NCOR1: variants seen among roughly 807,000 people sequenced by gnomAD.
The protein encoded by NCOR1 is protein phosphatase 1, regulatory subunit 109.
In NCOR1, 63 loss-of-function variants were observed where a neutral mutation model predicts 288.1. The ratio of observed to expected loss-of-function variants is 0.22; its 90% CI spans 0.18 to 0.27. The LOEUF (loss-of-function observed/expected upper bound fraction) is 0.27. NCOR1 is among the 10% of genes least tolerant of loss of function. The pLI is 1.00. For synonymous variants in NCOR1, 1,007 were observed against 1,065.9 expected (o/e 0.94, Z 1.08); for missense variants, 2,397 against 3,019.2 (o/e 0.79, Z 4.83).
At chr17:16,120,806 GA>G (rs2072846907) in intron 16 of NCOR1, among the ~76,000 whole-genome samples, 1 of 152,040 alleles carries the variant, frequency 6.6e-6, no homozygotes, top group South Asian at 2.1e-4. Flanking sequence ...GTAATTATTA[GA>G]AATTAGAAAA....
At chr17:16,156,619 T>G (rs553481148) in intron 6 of NCOR1, among the ~76,000 whole-genome samples, 272 of 152,152 alleles carry the variant, frequency 1.8e-3, no homozygotes, top group Non-Finnish European at 3.1e-3. Context: ...ATCTTCAGTG[T>G]AGGAAGGCAA....
intron 40 of NCOR1, among the ~76,000 whole-genome samples, chr17:16,053,295 A>C (rs2059529120): frequency 6.6e-6 from 1 of 152,190 alleles, no homozygotes; most frequent in Admixed American, 6.5e-5. Context: ...AGAAAACTCC[A>C]TAGTCTCAGC....
intron 3 of NCOR1, among the ~76,000 whole-genome samples, chr17:16,181,602 C>G (rs940170434): frequency 3.3e-5 from 5 of 152,080 alleles, no homozygotes; most frequent in South Asian, 2.1e-4. Flanking sequence ...TAGATTTTAG[C>G]TATTCGTCAC....
At chr17:16,169,423 T>C (rs928827234) in intron 4 of NCOR1, among the ~76,000 whole-genome samples, 4 of 152,264 alleles carry the variant, frequency 2.6e-5, no homozygotes, top group Admixed American at 6.5e-5. Flanking sequence ...AACTCTTCTA[T>C]AAATGATATA....
chr17:16,107,770 G>A (rs972729304), intron 19 of NCOR1, among the ~76,000 whole-genome samples: 14 of 151,982 alleles, frequency 9.2e-5, no homozygotes, highest in Admixed American at 6.6e-4. Flanking sequence ...CCCTCGGGTG[G>A]GACTTCTCTA....
Position 16,152,012 on chromosome 17 carries a change from C to A in NCOR1, c.790-14G>T, listed in dbSNP as rs1384853143. The A allele has an allele frequency of 3.2e-6, 5 of 1,548,824 alleles. No individual in the cohort carries two copies. The highest frequency in any genetic ancestry group is 1.9e-5 in the Admixed American group (1 of 51,290). ...GTTATACAGTGGCTATAAAAGAAAT[C>A]AAATATTTATGTATAAAATGTTGTA... On this transcript the variant is annotated splice_polypyrimidine_tract_variant and intron_variant, in intron 7 of 45. Coordinates refer to ENST00000268712, the MANE Select transcript of NCOR1 (RefSeq NM_006311.4).
At chr17:16,051,858 C>G (rs902381568) in intron 40 of NCOR1, among the ~76,000 whole-genome samples, 1 of 152,012 alleles carries the variant, frequency 6.6e-6, no homozygotes, top group South Asian at 2.1e-4. Flanking sequence ...TTGTGGTGAG[C>G]TGAGATCGCG....
Position 16,139,114 on chromosome 17 carries a change from TGACTC to T in NCOR1, c.1241_1245del (p.Arg414GlnfsTer4). 1 of 1,613,702 alleles carries T rather than the reference TGACTC, an allele frequency of 6.2e-7. No individual in the cohort carries two copies. Among genetic ancestry groups the T allele is most frequent in the Non-Finnish European group, 8.5e-7 (1 of 1,179,708 alleles). On this transcript the variant is annotated frameshift_variant, in exon 12 of 46. Coordinates refer to ENST00000268712, the MANE Select transcript of NCOR1 (RefSeq NM_006311.4). LOFTEE classifies it high-confidence loss of function. ...ATAAGCCCATTCATGTTAATGAACTTGACTCGTCTTTGTTCTGCATCAAACATCAT... is the reference window on the plus strand; with the variant it reads ...ATAAGCCCATTCATGTTAATGAACTTGTCTTTGTTCTGCATCAAACATCAT...
At chr17:16,167,171 GAATT>G (rs1439682510) in intron 4 of NCOR1, among the ~76,000 whole-genome samples, 2 of 152,070 alleles carry the variant, frequency 1.3e-5, no homozygotes, top group African/African-American at 2.4e-5. Flanking sequence ...CATGCCCAAA[GAATT>G]AATATTACAA....
In NCOR1 at chr17:16,108,237, T is replaced by C. The variant is rs762639375; in HGVS notation, c.2182+549A>G. The stretch of plus-strand genomic sequence containing the variant: ...AATCAGAGTGTAAACTGAAATAAAT[T>C]AGGTATCTTTTTTCTTACCAAAAAA... On this transcript the variant is annotated intron_variant, in intron 19 of 45. Coordinates refer to ENST00000268712, the MANE Select transcript of NCOR1 (RefSeq NM_006311.4). The C allele has an allele frequency of 9.1e-6, 3 of 329,534 alleles. No individual in the cohort carries two copies. In the East Asian group the frequency reaches 2.4e-4, roughly 26 times the overall value. The allele number at this position is 329,534 out of a possible 1,614,324, so 20.4% of individuals were successfully genotyped here. A position where few individuals can be genotyped will look rare whatever the true frequency, so the allele number is the denominator to read the frequency against.
rs949787616 is a variant in NCOR1, at chr17:16,039,539, T to A, written c.6849A>T (p.Gly2283=). The A allele has an allele frequency of 1.9e-6, 3 of 1,613,972 alleles. No homozygotes were observed. The highest frequency in any genetic ancestry group is 2.5e-6 in the Non-Finnish European group (3 of 1,180,018). The change falls in exon 44 of 46, where the codon GGA becomes GGT. Residue 2283 remains glycine (G), a synonymous_variant. Transcript: ENST00000268712. ...GSFDDKVEDH[G]VVMSQPMGVV... ...CTCCCATAGGCTGGGACATGACAACTCCATGATCCTCAACTTTGTCATCAA... is the reference window on the plus strand; with the variant it reads ...CTCCCATAGGCTGGGACATGACAACACCATGATCCTCAACTTTGTCATCAA...
intron 40 of NCOR1, among the ~76,000 whole-genome samples, chr17:16,054,893 T>A (rs978651212): frequency 6.6e-6 from 1 of 152,064 alleles, no homozygotes; most frequent in Non-Finnish European, 1.5e-5. Context: ...GATCACACCA[T>A]TGCACTCTAG....
intron 21 of NCOR1, among the ~76,000 whole-genome samples, chr17:16,092,721 C>G: frequency 2.8e-5 from 2 of 72,146 alleles, no homozygotes; most frequent in South Asian, 5.8e-4. Context: ...TTTTTTAAGA[C>G]ATAGTCTCAC....
intron 14 of NCOR1, among the ~76,000 whole-genome samples, chr17:16,135,221 T>C (rs1240357459): frequency 2.0e-5 from 3 of 150,794 alleles, no homozygotes; most frequent in African/African-American, 7.3e-5. Flanking sequence ...ATGGTCCCTA[T>C]GATCTCTAGC....
chr17:16,117,514 GAAA>G (rs34706253), intron 18 of NCOR1, among the ~76,000 whole-genome samples: 2 of 103,782 alleles, frequency 1.9e-5, no homozygotes, highest in Admixed American at 1.0e-4. Context: ...CTGGAGCTCA[GAAA>G]AAAAAAAAAA....
chr17:16,209,155 C>G (rs2091880561), intron 1 of NCOR1, among the ~76,000 whole-genome samples: 1 of 152,022 alleles, frequency 6.6e-6, no homozygotes. Flanking sequence ...AAAAAATATA[C>G]ATTTTGGAGA....
At chr17:16,145,147 C>A (rs1486583772) in intron 10 of NCOR1, among the ~76,000 whole-genome samples, 3 of 152,264 alleles carry the variant, frequency 2.0e-5, no homozygotes, top group Non-Finnish European at 4.4e-5. Context: ...GTGATCTGCC[C>A]ACCTTGGCCT....
At chr17:16,081,848 C>G (rs1326987187) in intron 23 of NCOR1, among the ~76,000 whole-genome samples, 1 of 152,172 alleles carries the variant, frequency 6.6e-6, no homozygotes, top group Non-Finnish European at 1.5e-5. Flanking sequence ...CCAACATATT[C>G]CCTAGAACCT....
chr17:16,046,041 G>A (rs1319254193), intron 42 of NCOR1, among the ~76,000 whole-genome samples: 1 of 152,140 alleles, frequency 6.6e-6, no homozygotes, highest in East Asian at 1.9e-4. Context: ...TCGAACTCCT[G>A]GGCCCAATCA....
Sources: allele counts gnomAD v4.1 joint callset (sites outside exome capture counted in the v4.1 genomes callset), GRCh38; gene constraint gnomAD v4.1.1; transcripts MANE v1.5; gene names NCBI Gene and HGNC (gene_info 2026-07-23, HGNC 2026-07-21).